The following HEMK1 variants were observed in gnomAD, a reference collection of about 807,000 sequenced individuals.
The protein encoded by HEMK1 is HemK methyltransferase 1, mitochondrial release factors N(5)-glutamine.
HEMK1 carries 36 observed loss-of-function variants against 47.9 expected under a neutral mutation model. That is an observed-to-expected ratio of 0.75 (90% CI 0.58 to 0.99). The LOEUF is 0.99. Ranked by LOEUF, HEMK1 falls within the 50% of genes least tolerant of loss-of-function variation. The probability of loss-of-function intolerance (pLI) is 0.00; values close to 1 mark genes in which losing one functional copy is unlikely to be tolerated. For synonymous variants in HEMK1, 153 were observed against 165.4 expected (o/e 0.93, Z 0.57); for missense variants, 383 against 434.5 (o/e 0.88, Z 1.05).
At chr3:50,577,358 C>G in intron 5 of HEMK1, 151 bp from the exon 6 acceptor site, 3 of 1,087,918 alleles carry the variant, frequency 2.8e-6, no homozygotes, top group Admixed American at 1.9e-5. Context: ...CCTACCACAT[C>G]TATCTGGCTA....
chr3:50,571,868 C>T, intron 3 of HEMK1, 67 bp downstream of exon 3: 2 of 1,505,390 alleles, frequency 1.3e-6, no homozygotes, highest in Non-Finnish European at 1.8e-6. Flanking sequence ...CCCCTATCCC[C>T]ACCAAGTTCA....
intron 9 of HEMK1, 73 bp from the exon 10 acceptor site, chr3:50,580,043 G>A (rs1283287529): frequency 2.1e-5 from 32 of 1,533,914 alleles, no homozygotes; most frequent in Middle Eastern, 1.7e-4. Context: ...CCCTCACCTC[G>A]CCAGCCCAAG....
At position 50,580,597 on chromosome 3, in the gene HEMK1, A is replaced by G. The variant is rs1559463830; in HGVS notation, c.*180A>G. 6.2e-6 allele frequency: 4 copies of G among 647,778 alleles called. No homozygotes were observed. The highest frequency in any genetic ancestry group is 3.8e-5 in the South Asian group (2 of 52,192). The allele number at this position is 647,778 out of a possible 1,614,324, so 40.1% of individuals were successfully genotyped here. On this transcript the variant is annotated 3_prime_UTR_variant, in exon 11 of 11. Transcript: ENST00000232854. The stretch of plus-strand genomic sequence containing the variant: ...TGGCTCCATCACATCAGAGTGGCTG[A>G]GGGCAGTTGCTCTGTGTTGGTGAAA...
At position 50,591,223 on chromosome 3, in the gene HEMK1, C is replaced by G. The variant is rs777811243; in HGVS notation, c.*10806C>G. On this transcript the variant is annotated 3_prime_UTR_variant, in exon 11 of 11. Coordinates refer to ENST00000232854, the MANE Select transcript of HEMK1 (RefSeq NM_016173.5). ...CTGTCATCTGGCCTGTCTCACCTGT[C>G]TTACCTGCAGGCCCATCATTCCTGC... is the stretch of plus-strand genomic sequence containing the variant. The G allele has an allele frequency of 2.0e-5, 3 of 152,258 alleles. No individual in the cohort carries two copies. The highest frequency in any genetic ancestry group is 2.9e-5 in the Non-Finnish European group (2 of 68,080). The allele number at this position is 152,258 out of a possible 1,614,324, so 9.4% of individuals were successfully genotyped here. A position where few individuals can be genotyped will look rare whatever the true frequency, so the allele number is the denominator to read the frequency against.
chr3:50,579,078 A>G, intron 8 of HEMK1, 152 bp downstream of exon 8: 1 of 608,724 alleles, frequency 1.6e-6, no homozygotes, highest in Non-Finnish European at 2.9e-6. Context: ...CCACAGTCCT[A>G]CCTAGATTCA....
intron 4 of HEMK1, among the ~76,000 whole-genome samples, chr3:50,574,515 G>T (rs1256633339): frequency 5.9e-5 from 9 of 152,174 alleles, no homozygotes; most frequent in African/African-American, 2.2e-4. Flanking sequence ...TCTGTGAGGT[G>T]GCTGGCCAGT....
rs1299010338 is a variant in HEMK1 at position 50,579,841 on chromosome 3, C to T, written c.771-3C>T. On this transcript the variant is annotated splice_polypyrimidine_tract_variant and splice_region_variant and intron_variant, in intron 8 of 10. Coordinates refer to ENST00000232854, the MANE Select transcript of HEMK1 (RefSeq NM_016173.5). ...TGTCACCTCCCACTGCTTTGCCTTT[C>T]AGCTATGAAGACCCCGCGGCCCTGG... is the stretch of plus-strand genomic sequence containing the variant. The T allele has an allele frequency of 1.9e-6, 3 of 1,610,584 alleles. No individual in the cohort carries two copies. Among genetic ancestry groups the T allele is most frequent in the South Asian group, 2.2e-5 (2 of 90,866 alleles).
At chr3:50,580,064 G>T in intron 9 of HEMK1, 52 bp from the exon 10 acceptor site, 1 of 1,562,802 alleles carries the variant, frequency 6.4e-7, no homozygotes. Flanking sequence ...CAGCCCAGAA[G>T]GGCAGGCGCC....
Position 50,571,734 on chromosome 3 carries a change from T to A in HEMK1, c.253T>A (p.Trp85Arg). ...GTTTCAGAGCCTGAGGCCGGCACTTTGGACCCAGCCCTTGACCTCTCAGCA... is the reference window on the plus strand; with the variant it reads ...GTTTCAGAGCCTGAGGCCGGCACTTAGGACCCAGCCCTTGACCTCTCAGCA... ...KTFQSLRPAL[W>R]TQPLTSQQLQ... The change falls in exon 3 of 11, where the codon TGG (tryptophan) becomes AGG (arginine). Residue 85 changes from tryptophan to arginine, a missense_variant. Coordinates refer to ENST00000232854, the MANE Select transcript of HEMK1 (RefSeq NM_016173.5). 1 of 1,614,184 alleles carries A rather than the reference T, an allele frequency of 6.2e-7. No homozygotes were observed. The highest frequency in any genetic ancestry group is 8.5e-7 in the Non-Finnish European group (1 of 1,180,030).
rs539560667 is a variant in HEMK1, at chr3:50,575,323, T to A, written c.415-1729T>A. Among the ~76,000 whole-genome samples, 3 of 151,974 alleles carry A rather than the reference T, an allele frequency of 2.0e-5. No individual in the cohort carries two copies. The South Asian group carries it at 6.2e-4, about 32-fold the overall frequency. ...TGTAATCCCAGCTACTTGGGAAGGC[T>A]GAGACAGGCGAATCGCTTGAACTTG... On this transcript the variant is annotated intron_variant, in intron 4 of 10. Coordinates refer to ENST00000232854, the MANE Select transcript of HEMK1 (RefSeq NM_016173.5).
In HEMK1 at chr3:50,577,042, T is replaced by C. The variant is rs775652411; in HGVS notation, c.415-10T>C. 5.6e-6 allele frequency: 9 copies of C among 1,613,886 alleles called. No individual in the cohort carries two copies. Among genetic ancestry groups the C allele is most frequent in the Non-Finnish European group, 7.6e-6 (9 of 1,179,882 alleles). The stretch of plus-strand genomic sequence containing the variant: ...GCACCGACTCTGATCCAGATCCCTC[T>C]GCTTCACAGGAACTGGTTGAGTGGG... On this transcript the variant is annotated splice_polypyrimidine_tract_variant and intron_variant, in intron 4 of 10. Transcript: ENST00000232854.
At chr3:50,572,443 T>C (rs778126944) in intron 4 of HEMK1, among the ~76,000 whole-genome samples, 18 of 152,348 alleles carry the variant, frequency 1.2e-4, no homozygotes, top group Admixed American at 5.2e-4. Context: ...GGTCTGGCAA[T>C]GGCCCAGAGT....
chr3:50,579,844 C>A lies in HEMK1; in HGVS notation c.771C>A (p.Ser257Arg). 6.2e-7 allele frequency: 1 copy of A among 1,612,094 alleles called. No individual in the cohort carries two copies. Among genetic ancestry groups the A allele is most frequent in the Non-Finnish European group, 8.5e-7 (1 of 1,178,646 alleles). The change falls in exon 9 of 11, where the codon AGC becomes AGA. Residue 257 changes from serine to arginine, a missense_variant and splice_region_variant. Ser to Arg is a moderately radical substitution (Grantham distance 110). Coordinates refer to ENST00000232854, the MANE Select transcript of HEMK1 (RefSeq NM_016173.5). ...DMEQLAPEIR[S>R]YEDPAALDGG... is the part of the protein sequence containing the mutation. ...CACCTCCCACTGCTTTGCCTTTCAG[C>A]TATGAAGACCCCGCGGCCCTGGATG...
rs748812591 is a variant in HEMK1, at chr3:50,586,105, C to G, written c.*5688C>G. ...TGTGGGAGGAGAGCAGGATTTCCCC[C>G]GCTTGCGGAATGAGTGGGTGCCTTC... On this transcript the variant is annotated 3_prime_UTR_variant, in exon 11 of 11. Coordinates refer to ENST00000232854, the MANE Select transcript of HEMK1 (RefSeq NM_016173.5). 6 of 152,238 alleles carry G rather than the reference C, an allele frequency of 3.9e-5. No homozygotes were observed. The highest frequency in any genetic ancestry group is 1.4e-4 in the African/African-American group (6 of 41,438). The allele number at this position is 152,238 out of a possible 1,614,324, so 9.4% of individuals were successfully genotyped here. A position where few individuals can be genotyped will look rare whatever the true frequency, so the allele number is the denominator to read the frequency against.
At chr3:50,578,960 T>A (rs1216932179) in intron 8 of HEMK1, 34 bp downstream of exon 8, 7 of 1,497,144 alleles carry the variant, frequency 4.7e-6, no homozygotes, top group Non-Finnish European at 6.5e-6. Context: ...AGGCCAGGCC[T>A]GAAAAGGCCT....
chr3:50,572,262 A>G (rs780084713), intron 4 of HEMK1, 54 bp downstream of exon 4: 13 of 1,570,242 alleles, frequency 8.3e-6, no homozygotes, highest in Non-Finnish European at 1.1e-5. Context: ...AGTTCAGGGC[A>G]CCAGTCTTAC....
intron 7 of HEMK1, 37 bp from the exon 8 acceptor site, chr3:50,578,784 G>A: frequency 7.1e-7 from 1 of 1,405,716 alleles, no homozygotes; most frequent in South Asian, 1.2e-5. Flanking sequence ...CTCCCAATGG[G>A]TTAGTCCCTA....
chr3:50,571,653 C>CT, intron 2 of HEMK1, 57 bp from the exon 3 acceptor site: 1 of 1,509,338 alleles, frequency 6.6e-7, no homozygotes, highest in Non-Finnish European at 9.2e-7. Flanking sequence ...CATAAGACAC[C>CT]TGGGTTGGGG....
At chr3:50,577,471 A>C in intron 5 of HEMK1, 38 bp from the exon 6 acceptor site, 1 of 1,600,728 alleles carries the variant, frequency 6.2e-7, no homozygotes, top group Non-Finnish European at 8.6e-7. Flanking sequence ...ATCTCTCAGC[A>C]TTGCCTTCCA....
Sources: allele counts gnomAD v4.1 joint callset (sites outside exome capture counted in the v4.1 genomes callset), GRCh38; gene constraint gnomAD v4.1.1; transcripts MANE v1.5; gene names NCBI Gene and HGNC (gene_info 2026-07-23, HGNC 2026-07-21).